The following NDST1 variants were observed in gnomAD, a reference collection of about 807,000 sequenced individuals.
The protein encoded by NDST1 is bifunctional heparan sulfate N-deacetylase/N-sulfotransferase 1.
A neutral mutation model predicts 92.8 loss-of-function variants in NDST1; 35 were observed. The observed-to-expected ratio is 0.38, with a 90% confidence interval of 0.29 to 0.50. NDST1 has a LOEUF of 0.50. NDST1 is among the 20% of genes least tolerant of loss of function. The pLI, the probability that NDST1 is intolerant of heterozygous loss-of-function variation, is 0.94. For synonymous variants in NDST1, 493 were observed against 500.3 expected (o/e 0.99, Z 0.19); for missense variants, 822 against 1,182.7 (o/e 0.69, Z 4.47).
In NDST1 at chr5:150,548,236, G is replaced by A; in HGVS notation, c.2164G>A (p.Asp722Asn). 2 of 1,614,148 alleles carry A rather than the reference G, an allele frequency of 1.2e-6. No homozygotes were observed. The highest frequency in any genetic ancestry group is 8.5e-7 in the Non-Finnish European group (1 of 1,180,038). The change falls in exon 12 of 15, where the codon GAC (aspartate) becomes AAC (asparagine). Residue 722 changes from aspartate (D) to asparagine (N), a missense_variant. Transcript: ENST00000261797. ...SWYQHQRAHDDPVALKYTFHE... is the reference protein window; with the variant it reads ...SWYQHQRAHDNPVALKYTFHE... ...CCTGCAGCACCAGCGAGCCCATGACGACCCAGTGGCCCTAAAGTACACCTT... is the reference window on the plus strand; with the variant it reads ...CCTGCAGCACCAGCGAGCCCATGACAACCCAGTGGCCCTAAAGTACACCTT...
Position 150,553,385 on chromosome 5 carries a change from A to C in NDST1, c.*53A>C. 1 of 1,600,514 alleles carries C rather than the reference A, an allele frequency of 6.2e-7. No homozygotes were observed. The highest frequency in any genetic ancestry group is 1.1e-5 in the South Asian group (1 of 90,658). On this transcript the variant is annotated 3_prime_UTR_variant, in exon 15 of 15. Coordinates refer to ENST00000261797, the MANE Select transcript of NDST1 (RefSeq NM_001543.5). The surrounding 1 kb of genome is among the most constrained non-coding windows in gnomAD (Gnocchi z 4.2). ...TTTGTGAAAGCTGGGACATCCCACCACACGCTGAGCCAGACCTGCAGAGTG... is the reference window on the plus strand; with the variant it reads ...TTTGTGAAAGCTGGGACATCCCACCCCACGCTGAGCCAGACCTGCAGAGTG...
At chr5:150,542,185 AG>A (rs1755274946) in intron 9 of NDST1, among the ~76,000 whole-genome samples, 1 of 152,178 alleles carries the variant, frequency 6.6e-6, no homozygotes, top group Admixed American at 6.5e-5. Flanking sequence ...TGGCAATTCC[AG>A]GCCTGAACTC....
intron 1 of NDST1, among the ~76,000 whole-genome samples, chr5:150,500,395 C>A (rs1389984484): frequency 6.6e-6 from 1 of 152,218 alleles, no homozygotes; most frequent in African/African-American, 2.4e-5. Context: ...ATTAACCATG[C>A]CCCTTTCTCT....
intron 11 of NDST1, 24 bp downstream of exon 11, chr5:150,545,510 C>G (rs1360609520): frequency 6.2e-7 from 1 of 1,613,868 alleles, no homozygotes; most frequent in Non-Finnish European, 8.5e-7. Context: ...GGGTGGAGTC[C>G]CTGTGTCGGG....
chr5:150,540,211 T>G lies in NDST1; in HGVS notation c.1696T>G (p.Leu566Val). The G allele has an allele frequency of 6.2e-7, 1 of 1,614,010 alleles. No individual in the cohort carries two copies. Among genetic ancestry groups the G allele is most frequent in the South Asian group, 1.1e-5 (1 of 91,082 alleles). ...GCTGCAGACACTGCCCCCTGTGCAG[T>G]TGGCGCAGAAGTACTTCCAGATCTT... The part of the protein sequence containing the change: ...LRLQTLPPVQ[L>V]AQKYFQIFSE... Residue 566 changes from leucine (L) to valine (V), a missense_variant, in exon 8 of 15, where the codon TTG becomes GTG. Coordinates refer to ENST00000261797, the MANE Select transcript of NDST1 (RefSeq NM_001543.5).
At chr5:150,540,990 C>T (rs1271155341) in intron 8 of NDST1, among the ~76,000 whole-genome samples, 1 of 152,188 alleles carries the variant, frequency 6.6e-6, no homozygotes, top group East Asian at 1.9e-4. Context: ...AAGTCTGCTC[C>T]TACGGGCTTT....
At chr5:150,513,022 G>A (rs572573183) in intron 1 of NDST1, among the ~76,000 whole-genome samples, 26 of 152,230 alleles carry the variant, frequency 1.7e-4, no homozygotes, top group African/African-American at 6.3e-4. Context: ...AGGCAACATA[G>A]GGATACCTTG....
chr5:150,551,906 C>G (rs1468345670), intron 14 of NDST1, 51 bp downstream of exon 14: 1 of 1,603,758 alleles, frequency 6.2e-7, no homozygotes, highest in Admixed American at 1.7e-5. Context: ...TAAGGGGTCC[C>G]TGTATGGAGT....
Position 150,521,502 on chromosome 5 carries a change from C to A in NDST1, c.248C>A (p.Pro83Gln), listed in dbSNP as rs370641189. ...VQAATPSRTDPLVLVFVESLY... is the reference protein window; with the variant it reads ...VQAATPSRTDQLVLVFVESLY... ...GCAGCCACCCCTTCCCGCACAGACCCGTTGGTGCTGGTCTTTGTGGAGAGC... is the reference window on the plus strand; with the variant it reads ...GCAGCCACCCCTTCCCGCACAGACCAGTTGGTGCTGGTCTTTGTGGAGAGC... Residue 83 changes from proline to glutamine, a missense_variant, in exon 2 of 15, where the codon CCG (proline) becomes CAG (glutamine). Coordinates refer to ENST00000261797, the MANE Select transcript of NDST1 (RefSeq NM_001543.5). The surrounding 1 kb of genome is among the most constrained non-coding windows in gnomAD (Gnocchi z 5.9). 1.4e-5 allele frequency: 23 copies of A among 1,613,918 alleles called. No homozygotes were observed. In the East Asian group the frequency reaches 4.9e-4, roughly 34 times the overall value.
chr5:150,523,568 A>G (rs7736801), intron 2 of NDST1, among the ~76,000 whole-genome samples: 51,288 of 152,164 alleles, frequency 0.34, 9,447 homozygotes, highest in Non-Finnish European at 0.41. Context: ...GAACTCAAGC[A>G]GTCCGGCCCC....
upstream of NDST1, among the ~76,000 whole-genome samples, chr5:150,505,377 T>C (rs1753405143): frequency 6.6e-6 from 1 of 152,228 alleles, no homozygotes; most frequent in Non-Finnish European, 1.5e-5. Flanking sequence ...TATCTGTGGC[T>C]GATGCCATGG....
In NDST1 at chr5:150,549,772, A is replaced by T; in HGVS notation, c.2411A>T (p.Tyr804Phe). 1.2e-6 allele frequency: 2 copies of T among 1,609,766 alleles called. No homozygotes were observed. The highest frequency in any genetic ancestry group is 2.7e-5 in the African/African-American group (2 of 74,974). ...KFLGVTNTID[Y>F]HKTLAFDPKK... ...CTTGGGGTGACCAACACCATTGACT[A>T]CCACAAAACCTTGGCGTGAGTGTTG... Residue 804 changes from tyrosine to phenylalanine, a missense_variant, in exon 13 of 15, where the codon TAC (tyrosine) becomes TTC (phenylalanine). Tyr to Phe is a conservative substitution (Grantham distance 22, BLOSUM62 3). Coordinates refer to ENST00000261797, the MANE Select transcript of NDST1 (RefSeq NM_001543.5).
chr5:150,549,351 GTGTT>G (rs1367061300), intron 12 of NDST1, among the ~76,000 whole-genome samples: 1 of 152,216 alleles, frequency 6.6e-6, no homozygotes, highest in Non-Finnish European at 1.5e-5. Flanking sequence ...AACTTGCGGA[GTGTT>G]TGAGCAGGAG....
chr5:150,550,122 A>T (rs1233180516), intron 13 of NDST1, among the ~76,000 whole-genome samples: 59 of 129,622 alleles, frequency 4.6e-4, no homozygotes, highest in Non-Finnish European at 8.3e-4. Flanking sequence ...TTTTTTTTTT[A>T]GACAGGGTCA....
At chr5:150,515,361 C>A (rs1753909736) in intron 1 of NDST1, among the ~76,000 whole-genome samples, 1 of 152,124 alleles carries the variant, frequency 6.6e-6, no homozygotes, top group Non-Finnish European at 1.5e-5. Flanking sequence ...CTAACGAATC[C>A]CAAATTAAAG....
At chr5:150,508,870 T>G (rs1753586880) in intron 1 of NDST1, among the ~76,000 whole-genome samples, 1 of 152,202 alleles carries the variant, frequency 6.6e-6, no homozygotes, top group South Asian at 2.1e-4. Flanking sequence ...GGTCACAGAC[T>G]TCTCCTCTAG....
intron 1 of NDST1, among the ~76,000 whole-genome samples, chr5:150,500,712 T>C (rs1035234136): frequency 6.6e-6 from 1 of 152,258 alleles, no homozygotes; most frequent in African/African-American, 2.4e-5. Context: ...CCCAGTGACC[T>C]GGCCACAGGC....
chr5:150,537,160 G>T (rs1755030538), intron 6 of NDST1, among the ~76,000 whole-genome samples: 2 of 152,228 alleles, frequency 1.3e-5, no homozygotes, highest in South Asian at 4.1e-4. Context: ...AGCTGAGGAT[G>T]AATGTCGTCT....
chr5:150,523,748 G>A (rs141082314), intron 2 of NDST1, among the ~76,000 whole-genome samples: 147 of 152,340 alleles, frequency 9.6e-4, no homozygotes, highest in South Asian at 2.3e-3. Context: ...GAGCTTGGGC[G>A]CTGTCTGGCC....
Sources: allele counts gnomAD v4.1 joint callset (sites outside exome capture counted in the v4.1 genomes callset), GRCh38; gene constraint gnomAD v4.1.1; non-coding constraint Gnocchi (gnomAD v3.1); transcripts MANE v1.5; gene names NCBI Gene and HGNC (gene_info 2026-07-23, HGNC 2026-07-21).